The following SLC25A26 variants were observed in gnomAD, a reference collection of about 807,000 sequenced individuals.
SLC25A26 encodes the protein solute carrier family 25 member 26, also known as mitochondrial S-adenosylmethionine carrier protein.
SLC25A26 carries 36 observed loss-of-function variants against 37.8 expected under a neutral mutation model. The ratio of observed to expected loss-of-function variants is 0.95; its 90% CI spans 0.73 to 1.26. The LOEUF (loss-of-function observed/expected upper bound fraction) is 1.26. Ranked by LOEUF, SLC25A26 falls within the 50% of genes most tolerant of loss-of-function variation. The probability of loss-of-function intolerance (pLI) is 0.00; values close to 1 mark genes in which losing one functional copy is unlikely to be tolerated. For synonymous variants in SLC25A26, 129 were observed against 122.5 expected (o/e 1.05, Z -0.35); for missense variants, 390 against 331.1 (o/e 1.18, Z -1.38).
intron 1 of SLC25A26, among the ~76,000 whole-genome samples, chr3:66,148,847 T>A (rs1445479653): frequency 6.6e-6 from 1 of 152,206 alleles, no homozygotes; most frequent in African/African-American, 2.4e-5. Flanking sequence ...CATGAGCCAC[T>A]GTGCCTGGAC....
rs866484581 is a variant in SLC25A26, at chr3:66,150,636, A to G, written c.-354+16652A>G. On this transcript the variant is annotated intron_variant, in intron 1 of 10. Coordinates refer to the SLC25A26 transcript ENST00000676754. ...TATATATATATATATATATATATAT[A>G]TATATATATATATATATATCATGGC... 7.6e-4 allele frequency among the ~76,000 whole-genome samples: 68 copies of G among 89,886 alleles called. 3 individuals are homozygous for G. The highest frequency in any genetic ancestry group is 2.8e-3 in the African/African-American group (66 of 23,292). The allele number at this position is 89,886 out of a possible 152,430, so 59.0% of individuals were successfully genotyped here.
rs1309490705 is a variant in SLC25A26 at position 66,300,251 on chromosome 3, G to GTTTTTTTTT, written c.453+36876_453+36877insTTTTTTTTT. Among the ~76,000 whole-genome samples, 59 of 111,606 alleles carry GTTTTTTTTT rather than the reference G, an allele frequency of 5.3e-4. 1 individual carries two copies. The highest frequency in any genetic ancestry group is 6.2e-4 in the Admixed American group (7 of 11,302). 73.2% of individuals were successfully genotyped at this position (111,606 alleles called of 152,430 possible). On this transcript the variant is annotated intron_variant, in intron 5 of 9. Transcript: ENST00000354883. ...TGGACTTCTAGGCTAGGGTTTTTTT[G>GTTTTTTTTT]TTTTGTTTTTTTTTTTTTTTTTGGT...
intron 1 of SLC25A26, among the ~76,000 whole-genome samples, chr3:66,208,692 G>GTA (rs1209909748): frequency 0.024 from 2,992 of 125,012 alleles, 274 homozygotes; most frequent in Admixed American, 0.12. Context: ...ATTTATATGG[G>GTA]TATATATATA....
At chr3:66,220,836 C>T, upstream of SLC25A26, 2 of 556,706 alleles carry the variant, frequency 3.6e-6, no homozygotes, top group African/African-American at 2.0e-5. Context: ...TAGCTGCACA[C>T]AACGCTGCTG....
intron 1 of SLC25A26, among the ~76,000 whole-genome samples, chr3:66,160,169 A>G (rs1413171531): frequency 6.6e-6 from 1 of 151,952 alleles, no homozygotes; most frequent in Non-Finnish European, 1.5e-5. Flanking sequence ...CACCTGGTTA[A>G]TTTTTTAATG....
rs188465359 is a variant in SLC25A26 at position 66,293,625 on chromosome 3, A to T, written c.453+30246A>T. On this transcript the variant is annotated intron_variant, in intron 5 of 9. Transcript: ENST00000354883. ...CTCATCATTTAGCTCGCAATTATAA[A>T]TGAGAACATGTGGTATTTGGTTTTC... Among the ~76,000 whole-genome samples, 22 of 152,148 alleles carry T rather than the reference A, an allele frequency of 1.4e-4. No homozygotes were observed. The East Asian group carries it at 3.5e-3, about 24-fold the overall frequency.
At position 66,221,138 on chromosome 3, in the gene SLC25A26, G is replaced by A. The variant is rs2071469667; in HGVS notation, c.33+11G>A. 6.6e-7 allele frequency: 1 copy of A among 1,518,172 alleles called. No homozygotes were observed. Among genetic ancestry groups the A allele is most frequent in the Admixed American group, 2.2e-5 (1 of 46,482 alleles). 94.0% of individuals were successfully genotyped at this position (1,518,172 alleles called of 1,614,324 possible). A position where few individuals can be genotyped will look rare whatever the true frequency, so the allele number is the denominator to read the frequency against. On this transcript the variant is annotated intron_variant, in intron 1 of 9. Coordinates refer to ENST00000354883, the MANE Select transcript of SLC25A26 (RefSeq NM_001379210.1). ...GTGGCAGCGCTGGTGGTGAGTGCGG[G>A]GCGGTGGGGTGGGTTGCTCAGAGTG...
rs1040839733 is a variant in SLC25A26 at position 66,377,759 on chromosome 3, T to G, written c.777T>G (p.Tyr259Ter). 1 of 1,613,886 alleles carries G rather than the reference T, an allele frequency of 6.2e-7. No homozygotes were observed. Among genetic ancestry groups the G allele is most frequent in the Non-Finnish European group, 8.5e-7 (1 of 1,179,890 alleles). Residue 259 changes from tyrosine (Y) to a stop codon, truncating the protein, a stop_gained, in exon 10 of 10, where the codon TAT (tyrosine) becomes TAG (stop). Transcript: ENST00000354883. LOFTEE classifies it low-confidence loss of function (END_TRUNC). ...GAGGTTTCATCTTTCTGGGGGCTTA[T>G]GACCGAACGCACAGCTTGCTGTTGG... ...SLGGFIFLGA[Y>*]DRTHSLLLEV...
chr3:66,204,425 C>CAGAA (rs1302639435), intron 1 of SLC25A26, among the ~76,000 whole-genome samples: 13 of 66,970 alleles, frequency 1.9e-4, no homozygotes, highest in African/African-American at 8.4e-4. Context: ...TACTCCGTCT[C>CAGAA]AAAAAAAAAA....
intron 6 of SLC25A26, among the ~76,000 whole-genome samples, chr3:66,360,582 G>A (rs2076675455): frequency 6.6e-6 from 1 of 152,206 alleles, no homozygotes; most frequent in East Asian, 1.9e-4. Context: ...CAATTGTGTT[G>A]ATAACCAGTT....
intron 5 of SLC25A26, among the ~76,000 whole-genome samples, chr3:66,300,257 T>G (rs999361865): frequency 2.5e-5 from 3 of 118,784 alleles, no homozygotes; most frequent in African/African-American, 4.8e-5. Context: ...TTTTGTTTTG[T>G]TTTTTTTTTT....
intron 1 of SLC25A26, among the ~76,000 whole-genome samples, chr3:66,196,639 A>G (rs2071047747): frequency 6.6e-6 from 1 of 152,232 alleles, no homozygotes; most frequent in Admixed American, 6.5e-5. Context: ...AATAGAATTT[A>G]TCAGTATATT....
chr3:66,172,505 G>A (rs2070516081), intron 1 of SLC25A26, among the ~76,000 whole-genome samples: 1 of 151,206 alleles, frequency 6.6e-6, no homozygotes, highest in South Asian at 2.1e-4. Context: ...AAATTCTAGG[G>A]TAAGCCTCCT....
chr3:66,256,592 A>G (rs1397135899), intron 3 of SLC25A26, among the ~76,000 whole-genome samples: 1 of 152,162 alleles, frequency 6.6e-6, no homozygotes, highest in East Asian at 1.9e-4. Context: ...AAATATATGT[A>G]GAGGCAAAAC....
At chr3:66,257,064 G>A (rs769094668) in intron 3 of SLC25A26, among the ~76,000 whole-genome samples, 2 of 152,026 alleles carry the variant, frequency 1.3e-5, no homozygotes, top group African/African-American at 4.8e-5. Flanking sequence ...CTGTCAGGGT[G>A]CTTACAATTT....
Position 66,247,264 on chromosome 3 carries a change from TAA to T in SLC25A26, c.300+3954_300+3955del, listed in dbSNP as rs887481561. ...GATGTTGGCTATTTAAATATAAATA[TAA>T]ATATATATATATATGCACACACACA... is the stretch of plus-strand genomic sequence containing the variant. On this transcript the variant is annotated intron_variant, in intron 3 of 9. Coordinates refer to ENST00000354883, the MANE Select transcript of SLC25A26 (RefSeq NM_001379210.1). 1.5e-4 allele frequency among the ~76,000 whole-genome samples: 20 copies of T among 137,120 alleles called. 1 individual carries two copies. The highest frequency in any genetic ancestry group is 1.2e-3 in the Admixed American group (13 of 11,208). 90.0% of individuals were successfully genotyped at this position (137,120 alleles called of 152,430 possible). A position where few individuals can be genotyped will look rare whatever the true frequency, so the allele number is the denominator to read the frequency against.
At chr3:66,163,140 A>G (rs745640415) in intron 1 of SLC25A26, among the ~76,000 whole-genome samples, 1 of 152,196 alleles carries the variant, frequency 6.6e-6, no homozygotes, top group African/African-American at 2.4e-5. Context: ...AGAGGAAAAA[A>G]GCTGCTATTT....
At chr3:66,369,367 A>T (rs754251431) in intron 7 of SLC25A26, 111 bp from the exon 8 acceptor site, 1 of 813,060 alleles carries the variant, frequency 1.2e-6, no homozygotes, top group Non-Finnish European at 2.0e-6. Flanking sequence ...TTCTTCAATC[A>T]GCCAGGTGTA....
intron 3 of SLC25A26, among the ~76,000 whole-genome samples, chr3:66,245,912 T>A (rs538097614): frequency 6.6e-6 from 1 of 152,320 alleles, no homozygotes; most frequent in South Asian, 2.1e-4. Flanking sequence ...CCAGCGTCCA[T>A]TTTAAAACAT....
Sources: gnomAD v4.1 joint callset for allele counts (sites outside exome capture counted in the v4.1 genomes callset) on GRCh38, gnomAD v4.1.1 for gene constraint, MANE v1.5 for transcripts, NCBI Gene and HGNC (gene_info 2026-07-23, HGNC 2026-07-21) for gene names.